AGBL4: variants seen among roughly 807,000 people sequenced by gnomAD.
The protein encoded by AGBL4 is cytosolic carboxypeptidase 6.
In AGBL4, 58 loss-of-function variants were observed where a neutral mutation model predicts 66.4. The observed-to-expected ratio is 0.87, with a 90% CI of 0.71 to 1.09. AGBL4 has a LOEUF of 1.09. Ranked by LOEUF, AGBL4 falls within the 50% of genes least tolerant of loss-of-function variation. The pLI is 0.00. For synonymous variants in AGBL4, 234 were observed against 222.9 expected (o/e 1.05, Z -0.44); for missense variants, 579 against 631.0 (o/e 0.92, Z 0.88).
rs191993059 is a variant in AGBL4, at chr1:49,049,610, C to A, written c.378-3810G>T. Among the ~76,000 whole-genome samples, 32 of 151,990 alleles carry A rather than the reference C, an allele frequency of 2.1e-4. No individual in the cohort carries two copies. The East Asian group carries it at 5.8e-3, about 28-fold the overall frequency. Reference sequence around the variant, plus strand: ...AAAAAGGGAAAAAACCTTCTTATCCCAGAATAACATTGGTAGGTATCACAA... The same window carrying A: ...AAAAAGGGAAAAAACCTTCTTATCCAAGAATAACATTGGTAGGTATCACAA... On this transcript the variant is annotated intron_variant, in intron 4 of 13. Coordinates refer to ENST00000371839, the MANE Select transcript of AGBL4 (RefSeq NM_032785.4).
chr1:49,243,363 G>A (rs1236028380), intron 4 of AGBL4, among the ~76,000 whole-genome samples: 2 of 151,664 alleles, frequency 1.3e-5, no homozygotes, highest in South Asian at 4.1e-4. Flanking sequence ...ACTCCTTGGA[G>A]CCAATAAAAT....
intron 3 of AGBL4, among the ~76,000 whole-genome samples, chr1:49,252,286 G>A (rs992017946): frequency 6.6e-6 from 1 of 151,952 alleles, no homozygotes; most frequent in South Asian, 2.1e-4. Context: ...TAGCAGAACA[G>A]ACCAAGCAGA....
intron 3 of AGBL4, among the ~76,000 whole-genome samples, chr1:49,678,186 T>C (rs1425523652): frequency 6.6e-6 from 1 of 152,196 alleles, no homozygotes. Context: ...TTGTAACTTG[T>C]AGTGTTTGTA....
intron 6 of AGBL4, among the ~76,000 whole-genome samples, chr1:48,841,765 A>G (rs1175632564): frequency 6.6e-6 from 1 of 152,116 alleles, no homozygotes; most frequent in South Asian, 2.1e-4. Context: ...GTTTCTGCAC[A>G]TTGAATCATG....
intron 4 of AGBL4, among the ~76,000 whole-genome samples, chr1:49,171,387 G>A (rs970302428): frequency 3.3e-5 from 5 of 152,140 alleles, no homozygotes; most frequent in Non-Finnish European, 7.4e-5. Context: ...TCCAGTACAA[G>A]GCTTGATCAC....
intron 6 of AGBL4, among the ~76,000 whole-genome samples, chr1:48,732,868 C>A (rs1648370543): frequency 6.6e-6 from 1 of 152,026 alleles, no homozygotes; most frequent in Non-Finnish European, 1.5e-5. Context: ...GAGGAGAGGG[C>A]CCATCAAGGA....
chr1:48,572,827 T>C (rs912570130), intron 11 of AGBL4, among the ~76,000 whole-genome samples: 1 of 152,158 alleles, frequency 6.6e-6, no homozygotes, highest in African/African-American at 2.4e-5. Flanking sequence ...CCATGCACCC[T>C]GGGGGCCAGG....
intron 1 of AGBL4, among the ~76,000 whole-genome samples, chr1:49,896,419 G>A (rs1649203387): frequency 6.6e-6 from 1 of 151,806 alleles, no homozygotes; most frequent in Non-Finnish European, 1.5e-5. Context: ...ACACTATAAG[G>A]AAAAGTCTCT....
chr1:49,205,745 A>G (rs1277074439), intron 4 of AGBL4, among the ~76,000 whole-genome samples: 4 of 152,122 alleles, frequency 2.6e-5, no homozygotes, highest in African/African-American at 9.6e-5. Flanking sequence ...TATGTTTCTG[A>G]AATATCTGTT....
intron 6 of AGBL4, among the ~76,000 whole-genome samples, chr1:48,698,537 C>A (rs1481266308): frequency 6.6e-6 from 1 of 152,242 alleles, no homozygotes; most frequent in South Asian, 2.1e-4. Context: ...ACATGGGGAG[C>A]TGGATCACTG....
At chr1:49,485,153 C>A (rs992939131) in intron 3 of AGBL4, among the ~76,000 whole-genome samples, 2 of 152,028 alleles carry the variant, frequency 1.3e-5, no homozygotes, top group Non-Finnish European at 2.9e-5. Flanking sequence ...AAGACACATG[C>A]ACACGTATGT....
At chr1:49,286,243 A>G (rs1243368506) in intron 3 of AGBL4, among the ~76,000 whole-genome samples, 2 of 152,166 alleles carry the variant, frequency 1.3e-5, no homozygotes, top group Non-Finnish European at 2.9e-5. Context: ...TGACAAACCC[A>G]CAGCCAATAT....
intron 6 of AGBL4, among the ~76,000 whole-genome samples, chr1:48,844,793 C>T (rs1429232330): frequency 6.6e-6 from 1 of 152,162 alleles, no homozygotes; most frequent in Non-Finnish European, 1.5e-5. Context: ...GTATGCATTT[C>T]TCATTTATAC....
At position 49,532,259 on chromosome 1, in the gene AGBL4, G is replaced by T. The variant is rs982300377; in HGVS notation, c.282+165054C>A. Among the ~76,000 whole-genome samples, 3 of 152,192 alleles carry T rather than the reference G, an allele frequency of 2.0e-5. No individual in the cohort carries two copies. In the East Asian group the frequency reaches 5.8e-4, roughly 29 times the overall value. On this transcript the variant is annotated intron_variant, in intron 3 of 13. Transcript: ENST00000371839. The stretch of plus-strand genomic sequence containing the variant: ...TACCTAAAACAATTCCTGAAATATA[G>T]AACATGCTCAGGGAATTAGCTTTTA...
intron 5 of AGBL4, among the ~76,000 whole-genome samples, chr1:48,923,710 T>C (rs1473468621): frequency 6.6e-6 from 1 of 152,218 alleles, no homozygotes; most frequent in Non-Finnish European, 1.5e-5. Flanking sequence ...CAAATATATC[T>C]CTTCAAGTCC....
chr1:49,859,926 ATC>A (rs1262490158), intron 1 of AGBL4, among the ~76,000 whole-genome samples: 1 of 152,180 alleles, frequency 6.6e-6, no homozygotes, highest in Non-Finnish European at 1.5e-5. Context: ...AATCAATCAT[ATC>A]TCTATATAAT....
chr1:49,520,418 ATTAAC>A (rs1328856841), intron 3 of AGBL4, among the ~76,000 whole-genome samples: 1 of 152,090 alleles, frequency 6.6e-6, no homozygotes, highest in Non-Finnish European at 1.5e-5. Flanking sequence ...TAAAGTATAT[ATTAAC>A]TTTACTTAAT....
intron 4 of AGBL4, among the ~76,000 whole-genome samples, chr1:49,109,918 A>G (rs899500771): frequency 2.0e-5 from 3 of 152,224 alleles, no homozygotes; most frequent in Admixed American, 1.3e-4. Context: ...TGAATGAATA[A>G]TAAAAAAAAC....
At chr1:49,044,924 T>C (rs1644040778) in intron 5 of AGBL4, among the ~76,000 whole-genome samples, 2 of 152,218 alleles carry the variant, frequency 1.3e-5, no homozygotes, top group South Asian at 4.1e-4. Context: ...TTTGTATTTC[T>C]AGCCCCTGGA....
Sources: allele counts gnomAD v4.1 joint callset (sites outside exome capture counted in the v4.1 genomes callset), GRCh38; gene constraint gnomAD v4.1.1; transcripts MANE v1.5; gene names NCBI Gene and HGNC (gene_info 2026-07-23, HGNC 2026-07-21).